Variants in KRT86 observed in about 807,000 individuals in gnomAD.
The protein encoded by KRT86 is keratin 86.
In KRT86, 30 loss-of-function variants were observed where a neutral mutation model predicts 41.2. The ratio of observed to expected loss-of-function variants is 0.73; its 90% CI spans 0.54 to 0.99. The LOEUF (loss-of-function observed/expected upper bound fraction) is 0.99. KRT86 is among the 50% of genes least tolerant of loss of function. The pLI is 0.00. For synonymous variants in KRT86, 238 were observed against 238.1 expected (o/e 1.00, Z 0.00); for missense variants, 561 against 571.4 (o/e 0.98, Z 0.19).
intron 2 of KRT86, chr12:52,286,319 A>G (rs764675374): frequency 6.4e-7 from 1 of 1,554,454 alleles, no homozygotes; most frequent in South Asian, 1.2e-5. Context: ...ACAGGAGCCC[A>G]CGCCGCAGGA....
intron 2 of KRT86, among the ~76,000 whole-genome samples, chr12:52,278,445 T>TG (rs200571294): frequency 2.0e-5 from 3 of 147,014 alleles, no homozygotes; most frequent in Non-Finnish European, 4.6e-5. Context: ...GTAGTTTTTT[T>TG]TTTTTTTTTT....
intron 2 of KRT86, among the ~76,000 whole-genome samples, chr12:52,300,749 G>T (rs11170081): frequency 0.15 from 23,259 of 152,230 alleles, 1,812 homozygotes; most frequent in South Asian, 0.24. Flanking sequence ...GATGGCAGGG[G>T]CTGGATGCTC....
chr12:52,293,878 C>T (rs995941213), intron 2 of KRT86, among the ~76,000 whole-genome samples: 1 of 151,986 alleles, frequency 6.6e-6, no homozygotes, highest in Non-Finnish European at 1.5e-5. Context: ...TGCTATGCTT[C>T]AAGGGCAAAG....
chr12:52,287,818 G>A, intron 2 of KRT86: 3 of 1,609,286 alleles, frequency 1.9e-6, no homozygotes, highest in East Asian at 2.2e-5. Context: ...TGCTCAGCCT[G>A]TGCAGCCACA....
At position 52,305,939 on chromosome 12, in the gene KRT86, A is replaced by T. The variant is rs1592439916; in HGVS notation, c.1027-121A>T. 2.5e-6 allele frequency: 4 copies of T among 1,570,490 alleles called. No homozygotes were observed. In the East Asian group the frequency reaches 6.9e-5, roughly 27 times the overall value. On this transcript the variant is annotated intron_variant, in intron 8 of 10. Coordinates refer to ENST00000423955, the MANE Select transcript of KRT86 (RefSeq NM_001320198.2). ...TTGTGGTCTCTGTGAGTCCCAGGTGATGAAGGCAAGAGGCTCTGTTCTGGG... is the reference window on the plus strand; with the variant it reads ...TTGTGGTCTCTGTGAGTCCCAGGTGTTGAAGGCAAGAGGCTCTGTTCTGGG...
At chr12:52,296,452 G>A (rs1441015332) in intron 2 of KRT86, among the ~76,000 whole-genome samples, 1 of 152,180 alleles carries the variant, frequency 6.6e-6, no homozygotes, top group Non-Finnish European at 1.5e-5. Context: ...ACAGGGCAGG[G>A]ACATGGGGCG....
intron 2 of KRT86, among the ~76,000 whole-genome samples, chr12:52,282,819 C>A (rs980977099): frequency 1.3e-5 from 2 of 152,226 alleles, no homozygotes; most frequent in Admixed American, 6.5e-5. Flanking sequence ...TCCACATGTA[C>A]CCACAAATCT....
At chr12:52,301,051 A>G (rs1015311609) in intron 2 of KRT86, among the ~76,000 whole-genome samples, 1 of 152,076 alleles carries the variant, frequency 6.6e-6, no homozygotes, top group Non-Finnish European at 1.5e-5. Flanking sequence ...ACTAGTCTAC[A>G]TGCTAGTTGA....
Position 52,301,944 on chromosome 12 carries a change from C to G in KRT86, c.28C>G (p.Arg10Gly). The change falls in exon 3 of 11, where the codon CGC becomes GGC. Residue 10 changes from arginine (R) to glycine (G), a missense_variant. Transcript: ENST00000423955. MTCGSYCGG[R>G]AFSCISACGP... ...GACTTGTGGATCTTACTGTGGTGGC[C>G]GCGCCTTCAGCTGCATCTCGGCCTG... 6.2e-7 allele frequency: 1 copy of G among 1,613,828 alleles called. No individual in the cohort carries two copies. Among genetic ancestry groups the G allele is most frequent in the Non-Finnish European group, 8.5e-7 (1 of 1,179,780 alleles).
chr12:52,302,971 C>A (rs1297063005), intron 3 of KRT86, 129 bp from the exon 4 acceptor site: 1 of 168,560 alleles, frequency 5.9e-6, no homozygotes, highest in Admixed American at 8.2e-5. Flanking sequence ...TCCCACTGCC[C>A]ACCTCTACTC....
intron 2 of KRT86, among the ~76,000 whole-genome samples, chr12:52,296,406 G>A (rs958734757): frequency 2.6e-5 from 4 of 152,094 alleles, no homozygotes; most frequent in African/African-American, 9.7e-5. Context: ...GGAAGAGGTG[G>A]GCACTGTAGT....
At chr12:52,275,651 G>A (rs1418746645) in intron 1 of KRT86, among the ~76,000 whole-genome samples, 170 bp from the exon 2 acceptor site, 1 of 152,192 alleles carries the variant, frequency 6.6e-6, no homozygotes, top group African/African-American at 2.4e-5. Flanking sequence ...AGCTCACTGT[G>A]TTCTTTCAAC....
At chr12:52,275,798 C>A in intron 1 of KRT86, 23 bp from the exon 2 acceptor site, 1 of 984,066 alleles carries the variant, frequency 1.0e-6, no homozygotes, top group African/African-American at 1.7e-5. Context: ...GACTACAGCT[C>A]CCCTCTGCCG....
At chr12:52,287,316 T>A in intron 2 of KRT86, 1 of 1,614,094 alleles carries the variant, frequency 6.2e-7, no homozygotes, top group East Asian at 2.2e-5. Context: ...GCCTCCAGCT[T>A]GGAGTTCTGA....
rs772669443 is a variant in KRT86 at position 52,308,557 on chromosome 12, T to C, written c.1433T>C (p.Val478Ala). 16 of 1,599,656 alleles carry C rather than the reference T, an allele frequency of 1.0e-5. No homozygotes were observed. The South Asian group carries it at 1.8e-4, about 18-fold the overall frequency. ...NACAPSARVG[V>A]CGGSCKRC The stretch of plus-strand genomic sequence containing the variant: ...TGCGCCCCCTCCGCCCGGGTTGGCG[T>C]CTGCGGCGGCAGCTGTAAGAGGTGC... The change falls in exon 11 of 11, where the codon GTC becomes GCC. Residue 478 changes from valine to alanine, a missense_variant. By Grantham distance (64) the Val-to-Ala change is moderately conservative (BLOSUM62 0). Around this residue, in one of 3 missense-constraint regions of KRT86, gnomAD observed 397 missense variants for 375.9 expected, o/e 1.06. Coordinates refer to ENST00000423955, the MANE Select transcript of KRT86 (RefSeq NM_001320198.2).
rs368423298 is a variant in KRT86, at chr12:52,291,474, T to G, written c.-4-10439T>G. ...CCTGATCCGCAGGTCATGATCCTCC[T>G]GGACGTTTGGGTTGCAGAGGACAGG... On this transcript the variant is annotated intron_variant, in intron 2 of 10. Coordinates refer to ENST00000423955, the MANE Select transcript of KRT86 (RefSeq NM_001320198.2). 1.3e-4 allele frequency: 215 copies of G among 1,612,708 alleles called. No individual in the cohort carries two copies. In the African/African-American group the frequency reaches 2.4e-3, roughly 18 times the overall value.
chr12:52,287,973 G>T (rs1263930067), intron 2 of KRT86: 16 of 1,614,158 alleles, frequency 9.9e-6, no homozygotes, highest in Non-Finnish European at 1.4e-5. Flanking sequence ...CAGGTGTCCT[G>T]TGCCACTCAC....
chr12:52,301,984 G>A lies in KRT86; in HGVS notation c.68G>A (p.Gly23Asp), dbSNP rs1330723812. ...ATCTCGGCCTGCGGGCCCCGGCCCG[G>A]CCGCTGCTGCATCACCGCCGCCCCC... ...SCISACGPRPGRCCITAAPYR... is the reference protein window; with the variant it reads ...SCISACGPRPDRCCITAAPYR... Residue 23 changes from glycine (G) to aspartate (D), a missense_variant, in exon 3 of 11, where the codon GGC becomes GAC. Physicochemically the swap from Gly to Asp is moderately conservative, Grantham distance 94 (BLOSUM62 -1). This residue lies in a region of KRT86 where 164 missense variants were observed against 172.5 expected (regional missense o/e 0.95). Transcript: ENST00000423955. The A allele has an allele frequency of 6.2e-7, 1 of 1,613,266 alleles. No homozygotes were observed. Among genetic ancestry groups the A allele is most frequent in the Admixed American group, 1.7e-5 (1 of 59,984 alleles).
chr12:52,280,194 A>C (rs1225439933), intron 2 of KRT86, among the ~76,000 whole-genome samples: 15 of 152,282 alleles, frequency 9.9e-5, no homozygotes. Context: ...TGGTGGAGGA[A>C]ATTGTGGGCT....
Sources: gnomAD v4.1 joint callset for allele counts (sites outside exome capture counted in the v4.1 genomes callset) on GRCh38, gnomAD v4.1.1 for gene constraint, gnomAD v4.1.1 regional missense constraint, MANE v1.5 for transcripts, NCBI Gene and HGNC (gene_info 2026-07-23, HGNC 2026-07-21) for gene names.